TRA2A: variants seen among roughly 807,000 people sequenced by gnomAD.
TRA2A encodes transformer-2 protein homolog alpha.
A neutral mutation model predicts 45.7 loss-of-function variants in TRA2A; 31 were observed. The observed-to-expected ratio is 0.68, with a 90% CI of 0.51 to 0.92. The LOEUF (loss-of-function observed/expected upper bound fraction) is 0.92. Ranked by LOEUF, TRA2A falls within the 40% of genes least tolerant of loss-of-function variation. TRA2A has a pLI of 0.00. For missense variants in TRA2A, 304 were observed against 367.5 expected (o/e 0.83, Z 1.41); for synonymous variants, 132 against 126.2 (o/e 1.05, Z -0.31).
At chr7:23,528,548 T>C (rs561096721) in intron 1 of TRA2A, among the ~76,000 whole-genome samples, 19 of 152,288 alleles carry the variant, frequency 1.2e-4, no homozygotes, top group African/African-American at 3.6e-4. Context: ...TGGGTTTTGA[T>C]AGTCATCATC....
intron 2 of TRA2A, among the ~76,000 whole-genome samples, chr7:23,521,064 T>C (rs1165079993): frequency 2.6e-5 from 4 of 152,324 alleles, no homozygotes; most frequent in South Asian, 2.1e-4. Context: ...TGGTTCACTA[T>C]TGCGTTTCTG....
chr7:23,514,057 C>T (rs1008902627), intron 3 of TRA2A, among the ~76,000 whole-genome samples: 2 of 150,830 alleles, frequency 1.3e-5, no homozygotes, highest in Non-Finnish European at 2.9e-5. Context: ...TTTTTTACTA[C>T]GGCTAGTAGA....
Position 23,521,781 on chromosome 7 carries a change from G to A in TRA2A, c.96C>T (p.Ser32=). The A allele has an allele frequency of 6.2e-7, 1 of 1,614,100 alleles. No homozygotes were observed. The highest frequency in any genetic ancestry group is 8.5e-7 in the Non-Finnish European group (1 of 1,179,998). The change falls in exon 2 of 8, where the codon AGC becomes AGT. Residue 32 remains serine, a synonymous_variant. Transcript: ENST00000297071. ...TGTPARVKSE[S]RSGSRSPSRV... ...TTGATGGACTACGAGATCCTGACCT[G>A]CTCTCCGATTTTACACGAGCAGGAG...
In TRA2A at chr7:23,531,848, T is replaced by A. The variant is rs751474883; in HGVS notation, c.-24A>T. 1 of 1,613,402 alleles carries A rather than the reference T, an allele frequency of 6.2e-7. No homozygotes were observed. Among genetic ancestry groups the A allele is most frequent in the South Asian group, 1.1e-5 (1 of 91,082 alleles). On this transcript the variant is annotated 5_prime_UTR_variant, in exon 1 of 8. Coordinates refer to ENST00000297071, the MANE Select transcript of TRA2A (RefSeq NM_013293.5). ...ATGTCGACGAGGCGCTCCCCAGAAC[T>A]AAATAAGAGACAAGTCTCGGCTCGA...
intron 2 of TRA2A, among the ~76,000 whole-genome samples, chr7:23,517,479 A>G (rs1789930752): frequency 7.9e-6 from 1 of 127,144 alleles, no homozygotes; most frequent in Non-Finnish European, 1.6e-5. Context: ...CTACGTCTCA[A>G]AAAAAAAAAA....
chr7:23,514,444 A>T (rs900483627), intron 3 of TRA2A, among the ~76,000 whole-genome samples: 1 of 152,130 alleles, frequency 6.6e-6, no homozygotes, highest in African/African-American at 2.4e-5. Context: ...TACTTTTTAT[A>T]AGAGTGAAAC....
At chr7:23,516,553 A>G in intron 2 of TRA2A, 25 bp from the exon 3 acceptor site, 1 of 1,610,022 alleles carries the variant, frequency 6.2e-7, no homozygotes, top group Non-Finnish European at 8.5e-7. Flanking sequence ...CATTTAGGTA[A>G]AAATACTGAA....
Position 23,531,928 on chromosome 7 carries a change from G to A in TRA2A, c.-104C>T, listed in dbSNP as rs1790606270. On this transcript the variant is annotated 5_prime_UTR_variant, in exon 1 of 8. Transcript: ENST00000297071. Reference sequence around the variant, plus strand: ...GGACCGTGGGGAAGAGGAAAGAGTCGGCAACCACAGCCGCTCCACTCCACT... The same window carrying A: ...GGACCGTGGGGAAGAGGAAAGAGTCAGCAACCACAGCCGCTCCACTCCACT... 4 of 1,310,286 alleles carry A rather than the reference G, an allele frequency of 3.1e-6. No homozygotes were observed. Among genetic ancestry groups the A allele is most frequent in the Non-Finnish European group, 4.3e-6 (4 of 924,742 alleles). The allele number at this position is 1,310,286 out of a possible 1,614,324, so 81.2% of individuals were successfully genotyped here.
At chr7:23,519,192 G>A (rs1790023488) in intron 2 of TRA2A, among the ~76,000 whole-genome samples, 1 of 152,116 alleles carries the variant, frequency 6.6e-6, no homozygotes, top group South Asian at 2.1e-4. Context: ...AGGAGATCGA[G>A]ACCATCGTGG....
chr7:23,518,634 C>T (rs1401837367), intron 2 of TRA2A, among the ~76,000 whole-genome samples: 3 of 151,492 alleles, frequency 2.0e-5, no homozygotes, highest in Non-Finnish European at 4.4e-5. Flanking sequence ...AGCCACCGTG[C>T]CCAGCCCAAA....
In TRA2A at chr7:23,505,311, C is replaced by A. The variant is rs1159825096; in HGVS notation, c.*248G>T. On this transcript the variant is annotated 3_prime_UTR_variant, in exon 8 of 8. Coordinates refer to ENST00000297071, the MANE Select transcript of TRA2A (RefSeq NM_013293.5). ...AAAAAAAAAAATTTACAAAGCATAA[C>A]ATAACATTGGGGTTCTTTTTATACT... 4 of 382,606 alleles carry A rather than the reference C, an allele frequency of 1.0e-5. No homozygotes were observed. The highest frequency in any genetic ancestry group is 3.8e-5 in the East Asian group (1 of 26,492). The allele number at this position is 382,606 out of a possible 1,614,324, so 23.7% of individuals were successfully genotyped here. A position where few individuals can be genotyped will look rare whatever the true frequency, so the allele number is the denominator to read the frequency against.
At chr7:23,518,209 T>G (rs1367043808) in intron 2 of TRA2A, among the ~76,000 whole-genome samples, 1 of 152,082 alleles carries the variant, frequency 6.6e-6, no homozygotes, top group Non-Finnish European at 1.5e-5. Flanking sequence ...ATTAAGCCAG[T>G]GTGCCTGGCC....
In TRA2A at chr7:23,519,806, G is replaced by A. The variant is rs1790052017; in HGVS notation, c.170+1901C>T. ...ATAGGTGAACAATAACGCTAGAAGA[G>A]TTGATATTTCCCATTTTAGCTAGCA... On this transcript the variant is annotated intron_variant, in intron 2 of 7. Coordinates refer to ENST00000297071, the MANE Select transcript of TRA2A (RefSeq NM_013293.5). 2.0e-5 allele frequency among the ~76,000 whole-genome samples: 3 copies of A among 152,170 alleles called. No individual in the cohort carries two copies. The South Asian group carries it at 6.2e-4, about 31-fold the overall frequency.
At position 23,506,197 on chromosome 7, in the gene TRA2A, G is replaced by GT. The variant is rs748020256; in HGVS notation, c.710dup (p.Tyr237Ter). 1 of 1,613,614 alleles carries GT rather than the reference G, an allele frequency of 6.2e-7. No individual in the cohort carries two copies. The highest frequency in any genetic ancestry group is 8.5e-7 in the Non-Finnish European group (1 of 1,179,706). Residue 237 changes from tyrosine to a stop codon, truncating the protein, a stop_gained and frameshift_variant, in exon 6 of 8, where the codon TAC (tyrosine) becomes TAAC (stop). Transcript: ENST00000297071. LOFTEE classifies it high-confidence loss of function. ...GGGGGRRRDS[Y>*]YDRGYDRGYD... The stretch of plus-strand genomic sequence containing the variant: ...ACCCACGATCATATCCTCTATCATA[G>GT]TAAGAATCTCGACGTCTGCCACCAC...
At chr7:23,507,291 C>T (rs1025666118) in intron 5 of TRA2A, 129 bp downstream of exon 5, 1 of 684,978 alleles carries the variant, frequency 1.5e-6, no homozygotes, top group Non-Finnish European at 2.5e-6. Context: ...TTAGTAGAAG[C>T]AGGGTTTTGC....
chr7:23,524,795 G>C (rs1790274614), intron 1 of TRA2A, among the ~76,000 whole-genome samples: 1 of 151,704 alleles, frequency 6.6e-6, no homozygotes, highest in Non-Finnish European at 1.5e-5. Context: ...GGATTCAAGC[G>C]ATTCTCCTGC....
At chr7:23,525,080 T>C (rs73074858) in intron 1 of TRA2A, among the ~76,000 whole-genome samples, 3,477 of 152,308 alleles carry the variant, frequency 0.023, 55 homozygotes, top group Non-Finnish European at 0.037. Context: ...CTGCCAAGTA[T>C]ATAATTATTT....
At chr7:23,511,982 T>A (rs1428346226) in intron 4 of TRA2A, among the ~76,000 whole-genome samples, 2 of 152,368 alleles carry the variant, frequency 1.3e-5, no homozygotes, top group East Asian at 1.9e-4. Context: ...AATTATTTTT[T>A]AAAAGTTAAT....
intron 3 of TRA2A, 58 bp downstream of exon 3, chr7:23,516,305 C>T (rs1789867151): frequency 5.7e-6 from 9 of 1,580,120 alleles, no homozygotes; most frequent in Non-Finnish European, 7.8e-6. Context: ...CAAGATATGC[C>T]ATGACTAAAC....
Sources: allele counts gnomAD v4.1 joint callset (sites outside exome capture counted in the v4.1 genomes callset), GRCh38; gene constraint gnomAD v4.1.1; transcripts MANE v1.5; gene names NCBI Gene and HGNC (gene_info 2026-07-23, HGNC 2026-07-21).